The following KCND2 variants were observed in gnomAD, a reference collection of about 807,000 sequenced individuals.
KCND2 encodes the protein potassium voltage-gated channel subfamily D member 2.
In KCND2, 16 loss-of-function variants were observed where a neutral mutation model predicts 54.4. That is an observed-to-expected ratio of 0.29 (90% confidence interval 0.20 to 0.45). The LOEUF (loss-of-function observed/expected upper bound fraction) is 0.45, where lower values mean the gene tolerates loss of function less well. Ranked by LOEUF, KCND2 falls within the 20% of genes least tolerant of loss-of-function variation. The pLI, the probability that KCND2 is intolerant of heterozygous loss-of-function variation, is 1.00. For missense variants in KCND2, 486 were observed against 824.2 expected (o/e 0.59, Z 5.02); for synonymous variants, 317 against 310.7 (o/e 1.02, Z -0.21).
At chr7:120,281,427 G>GA (rs10708123) in intron 1 of KCND2, among the ~76,000 whole-genome samples, 113 of 145,254 alleles carry the variant, frequency 7.8e-4, no homozygotes, top group African/African-American at 2.3e-3. Flanking sequence ...GTCTGATATT[G>GA]AAAAAAAAAA....
chr7:120,369,001 G>T (rs1800725982), intron 1 of KCND2, among the ~76,000 whole-genome samples: 1 of 152,040 alleles, frequency 6.6e-6, no homozygotes, highest in African/African-American at 2.4e-5. Flanking sequence ...GCTACTGTTT[G>T]TTCACACCAG....
chr7:120,613,417 GT>G (rs1792981465), intron 1 of KCND2, among the ~76,000 whole-genome samples: 2 of 152,148 alleles, frequency 1.3e-5, no homozygotes, highest in South Asian at 4.1e-4. Flanking sequence ...TGTAATCACA[GT>G]TACTTGGGAG....
chr7:120,724,522 A>T (rs536265840), intron 1 of KCND2, among the ~76,000 whole-genome samples: 43 of 152,286 alleles, frequency 2.8e-4, no homozygotes, highest in African/African-American at 9.4e-4. Flanking sequence ...CAGTGAGACT[A>T]TGGGGTGTAT....
chr7:120,351,555 A>G (rs1437664968), intron 1 of KCND2, among the ~76,000 whole-genome samples: 2 of 151,818 alleles, frequency 1.3e-5, no homozygotes, highest in African/African-American at 4.8e-5. Context: ...TAATGTTGTT[A>G]TTTATTGGCT....
At chr7:120,556,099 T>C (rs1792159717) in intron 1 of KCND2, among the ~76,000 whole-genome samples, 1 of 152,192 alleles carries the variant, frequency 6.6e-6, no homozygotes, top group Non-Finnish European at 1.5e-5. Flanking sequence ...TTTATACAAA[T>C]GTTTCTATGC....
intron 1 of KCND2, among the ~76,000 whole-genome samples, chr7:120,496,699 C>T (rs181252520): frequency 1.7e-4 from 26 of 152,310 alleles, no homozygotes; most frequent in South Asian, 4.1e-4. Context: ...GCTGGGATTA[C>T]AGGCGTGAGC....
chr7:120,375,557 T>C (rs767554529), intron 1 of KCND2, among the ~76,000 whole-genome samples: 1 of 151,884 alleles, frequency 6.6e-6, no homozygotes, highest in Non-Finnish European at 1.5e-5. Flanking sequence ...ATAACTGAAC[T>C]GTCAGAAACC....
At chr7:120,277,144 T>G (rs1054441584) in intron 1 of KCND2, among the ~76,000 whole-genome samples, 2 of 152,078 alleles carry the variant, frequency 1.3e-5, no homozygotes, top group East Asian at 3.9e-4. Context: ...AAACAAGAAA[T>G]TGGGGTAAAG....
chr7:120,426,910 G>A (rs531713595), intron 1 of KCND2, among the ~76,000 whole-genome samples: 3 of 152,166 alleles, frequency 2.0e-5, no homozygotes, highest in Admixed American at 6.5e-5. Context: ...ATGAGCCACC[G>A]CGCCCGGCCC....
intron 1 of KCND2, among the ~76,000 whole-genome samples, chr7:120,558,649 A>G (rs1562872816): frequency 6.6e-6 from 1 of 152,278 alleles, no homozygotes; most frequent in East Asian, 1.9e-4. Context: ...TCTACATCCT[A>G]TGGTGAAACA....
intron 1 of KCND2, among the ~76,000 whole-genome samples, chr7:120,343,114 A>G (rs555292979): frequency 2.8e-4 from 43 of 152,284 alleles, no homozygotes; most frequent in African/African-American, 9.9e-4. Flanking sequence ...AAAAGGTTTC[A>G]GAGTTATGTC....
chr7:120,308,230 CT>C (rs1584722643), intron 1 of KCND2, among the ~76,000 whole-genome samples: 1 of 152,162 alleles, frequency 6.6e-6, no homozygotes, highest in Non-Finnish European at 1.5e-5. Flanking sequence ...GACGCAAAAC[CT>C]TTTATGATTA....
intron 1 of KCND2, among the ~76,000 whole-genome samples, chr7:120,510,573 A>T (rs1803098796): frequency 6.6e-6 from 1 of 152,086 alleles, no homozygotes; most frequent in Non-Finnish European, 1.5e-5. Flanking sequence ...ATTAGATGCC[A>T]GTCTCCTAAA....
At chr7:120,384,167 A>G (rs1189946824) in intron 1 of KCND2, among the ~76,000 whole-genome samples, 1 of 151,868 alleles carries the variant, frequency 6.6e-6, no homozygotes, top group Non-Finnish European at 1.5e-5. Context: ...TTGTTTTCTT[A>G]TTTGTATTTT....
rs561629658 is a variant in KCND2, at chr7:120,629,436, A to G, written c.1116-103467A>G. Among the ~76,000 whole-genome samples, 15 of 151,842 alleles carry G rather than the reference A, an allele frequency of 9.9e-5. No homozygotes were observed. In the South Asian group the frequency reaches 3.1e-3, roughly 32 times the overall value. On this transcript the variant is annotated intron_variant, in intron 1 of 5. Transcript: ENST00000331113. ...GGGAGGCGGAGTTTGCAGTGAGCCG[A>G]GATGGTGCCACTGCACTCCATCCTG...
At chr7:120,684,835 G>T (rs1441620610) in intron 1 of KCND2, among the ~76,000 whole-genome samples, 4 of 152,168 alleles carry the variant, frequency 2.6e-5, no homozygotes, top group Non-Finnish European at 4.4e-5. Context: ...AACTGTGCAT[G>T]TGAGGGATAC....
chr7:120,660,896 T>A (rs1321415762), intron 1 of KCND2, among the ~76,000 whole-genome samples: 1 of 152,234 alleles, frequency 6.6e-6, no homozygotes, highest in African/African-American at 2.4e-5. Context: ...AAATATTACT[T>A]TCTTTAAGTC....
chr7:120,559,577 T>C (rs1468120019), intron 1 of KCND2, among the ~76,000 whole-genome samples: 1 of 152,196 alleles, frequency 6.6e-6, no homozygotes, highest in Non-Finnish European at 1.5e-5. Flanking sequence ...GTTTTAACAA[T>C]ATTTTCTGAA....
At chr7:120,378,891 C>T (rs1280040273) in intron 1 of KCND2, among the ~76,000 whole-genome samples, 1 of 152,016 alleles carries the variant, frequency 6.6e-6, no homozygotes, top group South Asian at 2.1e-4. Flanking sequence ...TTCTAAGTGG[C>T]AAATGGCTCA....
Sources: gnomAD v4.1 joint callset for allele counts (sites outside exome capture counted in the v4.1 genomes callset) on GRCh38, gnomAD v4.1.1 for gene constraint, MANE v1.5 for transcripts, NCBI Gene and HGNC (gene_info 2026-07-23, HGNC 2026-07-21) for gene names.